Variants in ACAT1 observed in about 807,000 individuals in gnomAD.
The protein encoded by ACAT1 is acetyl-CoA acetyltransferase, mitochondrial.
In ACAT1, 28 loss-of-function variants were observed where a neutral mutation model predicts 47.3. That is an observed-to-expected ratio of 0.59 (90% CI 0.44 to 0.81). The LOEUF is 0.81. Ranked by LOEUF, ACAT1 falls within the 30% of genes least tolerant of loss-of-function variation. ACAT1 has a pLI of 0.00. For synonymous variants in ACAT1, 181 were observed against 173.6 expected, an observed-to-expected ratio of 1.04 and a Z score of -0.34; for missense variants, 469 against 524.3, an observed-to-expected ratio of 0.89 and a Z score of 1.03.
In ACAT1 at chr11:108,133,777, T is replaced by C. The variant is rs541926186; in HGVS notation, c.121-43T>C. ...TATGTTTATTTAATGAAATACGATT[T>C]GGGTAAAATACCTATAATTTTTACC... On this transcript the variant is annotated intron_variant, in intron 2 of 11. Transcript: ENST00000265838. 1.7e-5 allele frequency: 24 copies of C among 1,452,128 alleles called. No homozygotes were observed. In the South Asian group the frequency reaches 2.8e-4, roughly 17 times the overall value. 90.0% of individuals were successfully genotyped at this position (1,452,128 alleles called of 1,614,324 possible). A position where few individuals can be genotyped will look rare whatever the true frequency, so the allele number is the denominator to read the frequency against.
intron 1 of ACAT1, among the ~76,000 whole-genome samples, chr11:108,125,303 G>A (rs1206011789): frequency 6.6e-6 from 1 of 152,146 alleles, no homozygotes. Context: ...AATGGGTTGT[G>A]TTCATTCAGC....
At chr11:108,135,912 A>G (rs866349268) in intron 5 of ACAT1, among the ~76,000 whole-genome samples, 28 of 152,302 alleles carry the variant, frequency 1.8e-4, no homozygotes, top group Middle Eastern at 6.8e-3. Context: ...ATTTGCCAGA[A>G]TAAGACAGGT....
At chr11:108,132,869 A>AAG (rs2077390055) in intron 2 of ACAT1, among the ~76,000 whole-genome samples, 2 of 147,336 alleles carry the variant, frequency 1.4e-5, no homozygotes, top group Non-Finnish European at 3.0e-5. Flanking sequence ...AAAAAAAAAA[A>AAG]AAAAAAAAAA....
chr11:108,131,650 C>A (rs1347452950), intron 1 of ACAT1, among the ~76,000 whole-genome samples: 1 of 151,826 alleles, frequency 6.6e-6, no homozygotes, highest in Non-Finnish European at 1.5e-5. Flanking sequence ...CCACGCCTGG[C>A]CAAGACTTGG....
chr11:108,125,476 G>A (rs1385313046), intron 1 of ACAT1, among the ~76,000 whole-genome samples: 1 of 152,214 alleles, frequency 6.6e-6, no homozygotes, highest in Non-Finnish European at 1.5e-5. Context: ...TATGTTGGAG[G>A]GGTGGATAAT....
At chr11:108,124,349 G>C (rs898743946) in intron 1 of ACAT1, among the ~76,000 whole-genome samples, 23 of 152,130 alleles carry the variant, frequency 1.5e-4, no homozygotes, top group African/African-American at 2.2e-4. Context: ...CTGCAACCTT[G>C]GCCTCCCGGG....
rs182193591 is a variant in ACAT1, at chr11:108,134,813, C to T, written c.335-329C>T. On this transcript the variant is annotated intron_variant, in intron 4 of 11. Coordinates refer to ENST00000265838, the MANE Select transcript of ACAT1 (RefSeq NM_000019.4). ...ACAAAAAATTAGTTGGGCGTGGTGG[C>T]CAGCACCTGTAGTCCCAGCTACTCC... is the stretch of plus-strand genomic sequence containing the variant. Among the ~76,000 whole-genome samples the T allele has an allele frequency of 5.8e-3, 869 of 149,264 alleles. 11 individuals carry two copies. Among genetic ancestry groups the T allele is most frequent in the African/African-American group, 0.02 (824 of 40,592 alleles).
upstream of ACAT1, among the ~76,000 whole-genome samples, chr11:108,120,518 G>T (rs1327687454): frequency 6.7e-6 from 1 of 149,838 alleles, no homozygotes; most frequent in East Asian, 2.0e-4. Context: ...TCCAGACTGG[G>T]TGACAAGAGC....
intron 8 of ACAT1, 67 bp downstream of exon 8, chr11:108,141,767 G>A: frequency 9.6e-7 from 1 of 1,045,538 alleles, no homozygotes; most frequent in Non-Finnish European, 1.4e-6. Context: ...TCTTAGAATT[G>A]CCTAAGGATT....
At position 108,135,127 on chromosome 11, in the gene ACAT1, T is replaced by A; in HGVS notation, c.335-15T>A. 1 of 1,591,670 alleles carries A rather than the reference T, an allele frequency of 6.3e-7. No individual in the cohort carries two copies. The highest frequency in any genetic ancestry group is 1.3e-5 in the African/African-American group (1 of 74,492). Reference sequence around the variant, plus strand: ...TGAGTATCGGTTTTTCAAAAGTGACTTATATTGGTTTTAGGCTTACCTATT... The same window carrying A: ...TGAGTATCGGTTTTTCAAAAGTGACATATATTGGTTTTAGGCTTACCTATT... On this transcript the variant is annotated splice_polypyrimidine_tract_variant and intron_variant, in intron 4 of 11. Coordinates refer to ENST00000265838, the MANE Select transcript of ACAT1 (RefSeq NM_000019.4).
At chr11:108,146,463 T>C (rs2077712098) in intron 11 of ACAT1, 104 bp downstream of exon 11, 2 of 1,372,844 alleles carry the variant, frequency 1.5e-6, no homozygotes, top group Middle Eastern at 2.3e-4. Context: ...TTTTCCTTCC[T>C]ACCCATCTTT....
At chr11:108,130,120 C>G (rs920182600) in intron 1 of ACAT1, among the ~76,000 whole-genome samples, 2 of 151,924 alleles carry the variant, frequency 1.3e-5, no homozygotes, top group Admixed American at 1.3e-4. Context: ...TTGTTCTAAC[C>G]GCTGCTTTTC....
intron 1 of ACAT1, among the ~76,000 whole-genome samples, chr11:108,124,385 T>A (rs2077210095): frequency 6.6e-6 from 1 of 152,152 alleles, no homozygotes; most frequent in Non-Finnish European, 1.5e-5. Context: ...TGCCTCAGCC[T>A]CCTGAGTAGC....
chr11:108,140,825 G>C (rs2077569460), intron 7 of ACAT1, among the ~76,000 whole-genome samples: 1 of 152,178 alleles, frequency 6.6e-6, no homozygotes, highest in African/African-American at 2.4e-5. Context: ...CAGAATACTA[G>C]AGCTTATCTA....
intron 1 of ACAT1, among the ~76,000 whole-genome samples, chr11:108,125,935 AAAAAG>A (rs2077239634): frequency 2.0e-5 from 3 of 151,840 alleles, no homozygotes; most frequent in Admixed American, 1.3e-4. Flanking sequence ...AAAAAAAAAA[AAAAAG>A]AAAAGACATG....
Position 108,142,450 on chromosome 11 carries a change from T to C in ACAT1, c.840T>C (p.Ala280=). 1 of 1,614,128 alleles carries C rather than the reference T, an allele frequency of 6.2e-7. No individual in the cohort carries two copies. Among genetic ancestry groups the C allele is most frequent in the Admixed American group, 1.7e-5 (1 of 60,026 alleles). Reference sequence around the variant, plus strand: ...TTTTGCTTTCAGGCACAGTAACAGCTGCCAATGCCAGTACACTGAATGATG... The same window carrying C: ...TTTTGCTTTCAGGCACAGTAACAGCCGCCAATGCCAGTACACTGAATGATG... ...VFQKENGTVT[A]ANASTLNDGA... Residue 280 remains alanine (A), a synonymous_variant, in exon 9 of 12, where the codon GCT becomes GCC. Coordinates refer to ENST00000265838, the MANE Select transcript of ACAT1 (RefSeq NM_000019.4).
At position 108,135,179 on chromosome 11, in the gene ACAT1, A is replaced by T. The variant is rs1269207832; in HGVS notation, c.372A>T (p.Lys124Asn). The change falls in exon 5 of 12, where the codon AAA becomes AAT. Residue 124 changes from lysine (K) to asparagine (N), a missense_variant. Lys to Asn is a moderately conservative substitution (Grantham distance 94). Transcript: ENST00000265838. ...CTACTCCATGTACCACCATAAACAA[A>T]GTTTGTGCTTCAGGAATGAAAGCCA... ...PISTPCTTIN[K>N]VCASGMKAIM... is the part of the protein sequence containing the mutation. 1 of 1,613,926 alleles carries T rather than the reference A, an allele frequency of 6.2e-7. No individual in the cohort carries two copies. The highest frequency in any genetic ancestry group is 1.3e-5 in the African/African-American group (1 of 75,030).
At chr11:108,142,188 G>A (rs916721058) in intron 8 of ACAT1, among the ~76,000 whole-genome samples, 20 of 152,142 alleles carry the variant, frequency 1.3e-4, no homozygotes, top group African/African-American at 3.1e-4. Context: ...AGTTGTAGAC[G>A]AGCATTTATC....
At chr11:108,134,853 G>C (rs1268951219) in intron 4 of ACAT1, among the ~76,000 whole-genome samples, 2 of 147,056 alleles carry the variant, frequency 1.4e-5, no homozygotes, top group African/African-American at 2.5e-5. Context: ...GCTGAGGCAG[G>C]AGAATGGCGT....
Sources: gnomAD v4.1 joint callset for allele counts (sites outside exome capture counted in the v4.1 genomes callset) on GRCh38, gnomAD v4.1.1 for gene constraint, MANE v1.5 for transcripts, NCBI Gene and HGNC (gene_info 2026-07-23, HGNC 2026-07-21) for gene names.